The following DNAH6 variants were observed in gnomAD, a reference collection of about 807,000 sequenced individuals.
The protein encoded by DNAH6 is axonemal beta dynein heavy chain 6.
A neutral mutation model predicts 491.4 loss-of-function variants in DNAH6; 340 were observed. That is an observed-to-expected ratio of 0.69 (90% CI 0.63 to 0.76). The LOEUF (loss-of-function observed/expected upper bound fraction) is 0.76. Among genes scored for constraint, DNAH6 ranks in the 30% least tolerant of loss-of-function variants. The probability of loss-of-function intolerance (pLI) is 0.00; values close to 1 mark genes in which losing one functional copy is unlikely to be tolerated. For missense variants in DNAH6, 4,443 were observed against 4,972.2 expected, an observed-to-expected ratio of 0.89 and a Z score of 3.20; for synonymous variants, 1,603 against 1,686.1, an observed-to-expected ratio of 0.95 and a Z score of 1.21.
chr2:84,492,345 G>T, the DNAH6 span, among the ~76,000 whole-genome samples: 3 of 152,084 alleles, frequency 2.0e-5, no homozygotes, highest in African/African-American at 7.2e-5. Context: ...ACTGGGGGAG[G>T]ATGGAGCAAA....
chr2:84,460,480 AGTTAT>A, the DNAH6 span, among the ~76,000 whole-genome samples: 1 of 152,250 alleles, frequency 6.6e-6, no homozygotes, highest in Non-Finnish European at 1.5e-5. Flanking sequence ...TCGCTTGATA[AGTTAT>A]ATGTTTAGTT....
At chr2:84,697,995 C>T (rs1293680770) in intron 47 of DNAH6, among the ~76,000 whole-genome samples, 1 of 152,180 alleles carries the variant, frequency 6.6e-6, no homozygotes, top group Non-Finnish European at 1.5e-5. Flanking sequence ...TCTCTTATTC[C>T]TCTTTAAGCA....
chr2:84,685,329 T>C lies in DNAH6; in HGVS notation c.6920T>C (p.Ile2307Thr). Reference protein sequence around the residue: ...LRDLSKCVQGILQCDPGTIRE... With the variant: ...LRDLSKCVQGTLQCDPGTIRE... Reference sequence around the variant, plus strand: ...TTTTCCTTTTCTTAAAAAACAGGTATCCTCCAATGTGATCCAGGAACAATA... The same window carrying C: ...TTTTCCTTTTCTTAAAAAACAGGTACCCTCCAATGTGATCCAGGAACAATA... The change falls in exon 43 of 77, where the codon ATC (isoleucine) becomes ACC (threonine). Residue 2307 changes from isoleucine to threonine, a missense_variant. Physicochemically the swap from Ile to Thr is moderately conservative, Grantham distance 89 (BLOSUM62 -1). Coordinates refer to ENST00000389394, the MANE Select transcript of DNAH6 (RefSeq NM_001370.2). 1 of 1,454,544 alleles carries C rather than the reference T, an allele frequency of 6.9e-7. No homozygotes were observed. The highest frequency in any genetic ancestry group is 9.1e-7 in the Non-Finnish European group (1 of 1,096,488). The allele number at this position is 1,454,544 out of a possible 1,614,324, so 90.1% of individuals were successfully genotyped here.
chr2:84,476,311 C>T, the DNAH6 span, among the ~76,000 whole-genome samples: 1 of 152,150 alleles, frequency 6.6e-6, no homozygotes, highest in South Asian at 2.1e-4. Context: ...TCCCTCGGCT[C>T]TAGCCTTTTG....
chr2:84,571,157 G>A (rs1223248913), intron 11 of DNAH6, among the ~76,000 whole-genome samples: 1 of 152,208 alleles, frequency 6.6e-6, no homozygotes, highest in African/African-American at 2.4e-5. Context: ...GAATGAGTGA[G>A]AAGAGAAAGT....
chr2:84,516,271 C>G (rs1468572727), upstream of DNAH6, among the ~76,000 whole-genome samples: 2 of 152,210 alleles, frequency 1.3e-5, no homozygotes, highest in African/African-American at 4.8e-5. Flanking sequence ...TCTGCCTACA[C>G]CTCCTGGCAC....
chr2:84,530,812 G>T (rs1160132279), intron 4 of DNAH6, among the ~76,000 whole-genome samples: 84 of 152,278 alleles, frequency 5.5e-4, no homozygotes, highest in Non-Finnish European at 4.4e-5. Flanking sequence ...CCAGAAAGGA[G>T]TACAGGATGA....
At chr2:84,468,906 C>T in the DNAH6 span, among the ~76,000 whole-genome samples, 8 of 152,162 alleles carry the variant, frequency 5.3e-5, no homozygotes, top group Non-Finnish European at 1.2e-4. Context: ...CTTCCAAGGA[C>T]ATATAATGAG....
At position 84,550,063 on chromosome 2, in the gene DNAH6, C is replaced by T. The variant is rs777299284; in HGVS notation, c.1485+6C>T. On this transcript the variant is annotated splice_donor_region_variant and intron_variant, in intron 9 of 76. Transcript: ENST00000389394. ...CTGAAGTCCCTGATAAAAAGGTATA[C>T]TCACACAAAATTAAGAATATTTTAT... is the stretch of plus-strand genomic sequence containing the variant. 1 of 1,605,286 alleles carries T rather than the reference C, an allele frequency of 6.2e-7. No individual in the cohort carries two copies. The highest frequency in any genetic ancestry group is 8.5e-7 in the Non-Finnish European group (1 of 1,173,814).
chr2:84,675,478 G>C (rs868669410), intron 40 of DNAH6, among the ~76,000 whole-genome samples: 1 of 152,052 alleles, frequency 6.6e-6, no homozygotes, highest in African/African-American at 2.4e-5. Context: ...AAATGCACCT[G>C]CTTCCTTCAC....
At chr2:84,516,020 G>A (rs1305385347), upstream of DNAH6, among the ~76,000 whole-genome samples, 1 of 152,118 alleles carries the variant, frequency 6.6e-6, no homozygotes, top group African/African-American at 2.4e-5. Flanking sequence ...GAGGTTGGCG[G>A]GTAGGGCAGG....
chr2:84,571,597 A>G (rs1194156418), intron 11 of DNAH6, among the ~76,000 whole-genome samples: 2 of 152,148 alleles, frequency 1.3e-5, no homozygotes, highest in African/African-American at 4.8e-5. Flanking sequence ...CAAGGCAAAG[A>G]AAGATTGAGA....
intron 26 of DNAH6, 145 bp from the exon 27 acceptor site, chr2:84,624,120 A>G: frequency 1.5e-6 from 1 of 681,826 alleles, no homozygotes; most frequent in Non-Finnish European, 2.4e-6. Flanking sequence ...AAATAAAAGT[A>G]TTGTCCTGTT....
At chr2:84,521,539 T>C (rs1676145867) in intron 2 of DNAH6, among the ~76,000 whole-genome samples, 1 of 152,202 alleles carries the variant, frequency 6.6e-6, no homozygotes, top group Non-Finnish European at 1.5e-5. Flanking sequence ...TGTCATGAAA[T>C]CTTTGCCAAT....
At chr2:84,717,318 A>G (rs1366033360) in intron 58 of DNAH6, among the ~76,000 whole-genome samples, 1 of 152,196 alleles carries the variant, frequency 6.6e-6, no homozygotes, top group Non-Finnish European at 1.5e-5. Flanking sequence ...AAACAATTGA[A>G]TTTGAGGTTA....
At chr2:84,765,188 G>A (rs757090565) in intron 64 of DNAH6, among the ~76,000 whole-genome samples, 4 of 151,990 alleles carry the variant, frequency 2.6e-5, no homozygotes, top group Non-Finnish European at 4.4e-5. Context: ...AAAGTGTAAA[G>A]AAAGGTAGAG....
At chr2:84,788,433 C>A (rs1677427158) in intron 68 of DNAH6, among the ~76,000 whole-genome samples, 1 of 151,988 alleles carries the variant, frequency 6.6e-6, no homozygotes, top group Non-Finnish European at 1.5e-5. Flanking sequence ...ACTGTTACAC[C>A]CAGATCAACT....
At chr2:84,730,457 G>T (rs1446800216) in intron 61 of DNAH6, among the ~76,000 whole-genome samples, 1 of 152,032 alleles carries the variant, frequency 6.6e-6, no homozygotes, top group East Asian at 1.9e-4. Context: ...TTAAACAGGG[G>T]TGTCCCATCT....
At chr2:84,489,945 A>C in the DNAH6 span, among the ~76,000 whole-genome samples, 1 of 152,236 alleles carries the variant, frequency 6.6e-6, no homozygotes. Flanking sequence ...AGAACCACTA[A>C]CATAGAGACT....
Sources: allele counts gnomAD v4.1 joint callset (sites outside exome capture counted in the v4.1 genomes callset), GRCh38; gene constraint gnomAD v4.1.1; transcripts MANE v1.5; gene names NCBI Gene and HGNC (gene_info 2026-07-23, HGNC 2026-07-21).